Variants in ETS2 observed in about 807,000 individuals in gnomAD.
The protein encoded by ETS2 is protein C-ets-2.
In ETS2, 19 loss-of-function variants were observed where a neutral mutation model predicts 54.9. The ratio of observed to expected loss-of-function variants is 0.35; its 90% CI spans 0.24 to 0.51. The LOEUF (loss-of-function observed/expected upper bound fraction) is 0.51, where lower values mean the gene tolerates loss of function less well. Among genes scored for constraint, ETS2 ranks in the 20% least tolerant of loss-of-function variants. The pLI, the probability that ETS2 is intolerant of heterozygous loss-of-function variation, is 0.97. For missense variants in ETS2, 417 were observed against 593.0 expected (o/e 0.70, Z 3.08); for synonymous variants, 219 against 229.3 (o/e 0.95, Z 0.41).
chr21:38,822,721 C>T lies in ETS2; in HGVS notation c.1242C>T (p.Tyr414=), dbSNP rs916124586. The change falls in exon 10 of 10, where the codon TAC becomes TAT. Residue 414 remains tyrosine (Y), a synonymous_variant. Transcript: ENST00000360938. ...GKRKNKPKMN[Y]EKLSRGLRYY... ...GGAAAAATAAGCCCAAGATGAACTA[C>T]GAGAAGCTGAGCCGGGGCTTACGCT... 2.5e-6 allele frequency: 4 copies of T among 1,614,004 alleles called. No homozygotes were observed. Among genetic ancestry groups the T allele is most frequent in the African/African-American group, 1.3e-5 (1 of 74,922 alleles).
At chr21:38,817,164 T>G in intron 6 of ETS2, 73 bp downstream of exon 6, 1 of 1,024,892 alleles carries the variant, frequency 9.8e-7, no homozygotes, top group Non-Finnish European at 1.5e-6. Flanking sequence ...CTCTCTACTG[T>G]AGGCTCCTAA....
At chr21:38,818,363 G>T in intron 6 of ETS2, 62 bp from the exon 7 acceptor site, 4 of 1,609,344 alleles carry the variant, frequency 2.5e-6, no homozygotes, top group Non-Finnish European at 3.4e-6. Context: ...TTTGCTCGTA[G>T]GGGTTAGTTA....
intron 1 of ETS2, among the ~76,000 whole-genome samples, chr21:38,808,421 C>A (rs1026381050): frequency 2.0e-5 from 3 of 152,110 alleles, no homozygotes; most frequent in Admixed American, 1.3e-4. Flanking sequence ...CACTTTGGAC[C>A]CAAGACTGCT....
intron 1 of ETS2, among the ~76,000 whole-genome samples, chr21:38,809,336 G>A (rs1569021070): frequency 6.6e-6 from 1 of 152,210 alleles, no homozygotes. Flanking sequence ...GTCAGAGGAA[G>A]TAAGGCAGAT....
intron 8 of ETS2, among the ~76,000 whole-genome samples, chr21:38,820,115 A>G (rs2060951954): frequency 6.6e-6 from 1 of 152,174 alleles, no homozygotes; most frequent in African/African-American, 2.4e-5. Context: ...TGGCTTAGGG[A>G]GGGGCAGCAG....
At chr21:38,820,753 A>T (rs1210545223) in intron 8 of ETS2, among the ~76,000 whole-genome samples, 3 of 152,250 alleles carry the variant, frequency 2.0e-5, no homozygotes, top group Non-Finnish European at 4.4e-5. Flanking sequence ...CGTGCTTTAC[A>T]GCAAAGCTTT....
chr21:38,807,908 CTTGT>C (rs2060899659), intron 1 of ETS2, among the ~76,000 whole-genome samples: 1 of 152,164 alleles, frequency 6.6e-6, no homozygotes, highest in African/African-American at 2.4e-5. Context: ...CTGTTTGAGG[CTTGT>C]TTATTTCTTT....
chr21:38,812,792 A>T (rs1489748421), intron 2 of ETS2, among the ~76,000 whole-genome samples: 3 of 152,068 alleles, frequency 2.0e-5, no homozygotes, highest in Non-Finnish European at 2.9e-5. Context: ...AATAATAATA[A>T]TAATAATCCA....
At position 38,819,831 on chromosome 21, in the gene ETS2, G is replaced by A. The variant is rs865952503; in HGVS notation, c.1075+65G>A. The A allele has an allele frequency of 1.8e-5, 27 of 1,496,948 alleles. 1 individual carries two copies. Among genetic ancestry groups the A allele is most frequent in the African/African-American group, 6.9e-5 (5 of 72,502 alleles). 92.7% of individuals were successfully genotyped at this position (1,496,948 alleles called of 1,614,324 possible). A position where few individuals can be genotyped will look rare whatever the true frequency, so the allele number is the denominator to read the frequency against. ...TGGGTCCTGTCCCTTGCTTCCTTTC[G>A]AGCCACAGTACCACATTCACCGAGG... On this transcript the variant is annotated intron_variant, in intron 8 of 9. Coordinates refer to ENST00000360938, the MANE Select transcript of ETS2 (RefSeq NM_005239.6).
At chr21:38,817,898 C>T (rs375742042) in intron 6 of ETS2, among the ~76,000 whole-genome samples, 1 of 152,202 alleles carries the variant, frequency 6.6e-6, no homozygotes. Flanking sequence ...GACAGTGGGA[C>T]ACCCTGTGCC....
chr21:38,805,725 C>A, upstream of ETS2: 1 of 968,642 alleles, frequency 1.0e-6, no homozygotes, highest in Non-Finnish European at 1.3e-6. The surrounding 1 kb of genome is among the most constrained non-coding windows in gnomAD (Gnocchi z 5.2). Context: ...CCCAACCCTC[C>A]TGCTGCCCCC....
At chr21:38,807,628 G>T (rs192411159) in intron 1 of ETS2, among the ~76,000 whole-genome samples, 4 of 152,182 alleles carry the variant, frequency 2.6e-5, no homozygotes, top group Non-Finnish European at 5.9e-5. Context: ...CTCATTAAAA[G>T]CTGGACAACA....
chr21:38,819,417 T>C, intron 7 of ETS2, 86 bp from the exon 8 acceptor site: 2 of 1,240,492 alleles, frequency 1.6e-6, no homozygotes, highest in Admixed American at 3.5e-5. Flanking sequence ...ATGATTGCAC[T>C]GGTAGTGGTT....
intron 3 of ETS2, 22 bp downstream of exon 3, chr21:38,813,136 A>T (rs2060920349): frequency 6.9e-7 from 1 of 1,445,014 alleles, no homozygotes; most frequent in Admixed American, 1.7e-5. Context: ...CTCAGACTTG[A>T]CAAATTGTGC....
Position 38,806,695 on chromosome 21 carries a change from C to A in ETS2, c.-1+575C>A. ...TCACCTGCTCGCCGCGTCCAGGGCC[C>A]GGGCTGGGGACCCCTCGGTCGTGCG... On this transcript the variant is annotated intron_variant, in intron 1 of 9. Transcript: ENST00000360938. This position sits in a 1 kb window ranked among gnomAD's most constrained non-coding sequence, Gnocchi z 4.3. 2 of 985,424 alleles carry A rather than the reference C, an allele frequency of 2.0e-6. No homozygotes were observed. The highest frequency in any genetic ancestry group is 2.4e-6 in the Non-Finnish European group (2 of 829,952). The allele number at this position is 985,424 out of a possible 1,614,324, so 61.0% of individuals were successfully genotyped here. A position where few individuals can be genotyped will look rare whatever the true frequency, so the allele number is the denominator to read the frequency against.
upstream of ETS2, chr21:38,805,732 C>G (rs2060889242): frequency 1.2e-6 from 1 of 854,322 alleles, no homozygotes. The surrounding 1 kb of genome is among the most constrained non-coding windows in gnomAD (Gnocchi z 5.2). Flanking sequence ...CTCCTGCTGC[C>G]CCCTTCCCTC....
At chr21:38,816,354 G>A (rs1429241309) in intron 5 of ETS2, among the ~76,000 whole-genome samples, 1 of 151,998 alleles carries the variant, frequency 6.6e-6, no homozygotes, top group Admixed American at 6.6e-5. Flanking sequence ...CTTGGACAGG[G>A]CTTTTCTACC....
In ETS2 at chr21:38,823,040, C is replaced by T. The variant is rs1244007915; in HGVS notation, c.*151C>T. The T allele has an allele frequency of 7.6e-6, 4 of 529,718 alleles. No homozygotes were observed. Among genetic ancestry groups the T allele is most frequent in the Non-Finnish European group, 1.3e-5 (4 of 316,782 alleles). The allele number at this position is 529,718 out of a possible 1,614,324, so 32.8% of individuals were successfully genotyped here. A position where few individuals can be genotyped will look rare whatever the true frequency, so the allele number is the denominator to read the frequency against. ...AGTGGCCTTATTGCATCCCAAACCACGCCTCTTGACCAGGCTGCCTCCCTT... is the reference window on the plus strand; with the variant it reads ...AGTGGCCTTATTGCATCCCAAACCATGCCTCTTGACCAGGCTGCCTCCCTT... On this transcript the variant is annotated 3_prime_UTR_variant, in exon 10 of 10. Transcript: ENST00000360938.
At chr21:38,820,300 G>A (rs1165780783) in intron 8 of ETS2, among the ~76,000 whole-genome samples, 2 of 152,124 alleles carry the variant, frequency 1.3e-5, no homozygotes, top group African/African-American at 4.8e-5. Flanking sequence ...TGTTTTCACT[G>A]CTTCGTGTAT....
Sources: gnomAD v4.1 joint callset for allele counts (sites outside exome capture counted in the v4.1 genomes callset) on GRCh38, gnomAD v4.1.1 for gene constraint, Gnocchi (gnomAD v3.1) non-coding constraint, MANE v1.5 for transcripts, NCBI Gene and HGNC (gene_info 2026-07-23, HGNC 2026-07-21) for gene names.